EPHA4: variants seen among roughly 807,000 people sequenced by gnomAD.
EPHA4 encodes the protein EPH receptor A4.
Under a neutral mutation model 108.3 loss-of-function variants are expected in EPHA4, and 19 were observed. The ratio of observed to expected loss-of-function variants is 0.18; its 90% confidence interval spans 0.12 to 0.26. EPHA4 has a LOEUF of 0.26. Ranked by LOEUF, EPHA4 falls within the 10% of genes least tolerant of loss-of-function variation. The pLI, the probability that EPHA4 is intolerant of heterozygous loss-of-function variation, is 1.00. For missense variants in EPHA4, 917 were observed against 1,254.0 expected (o/e 0.73, Z 4.06); for synonymous variants, 449 against 455.5 (o/e 0.99, Z 0.18).
At chr2:221,547,950 C>G (rs562792957) in intron 3 of EPHA4, among the ~76,000 whole-genome samples, 1 of 152,128 alleles carries the variant, frequency 6.6e-6, no homozygotes, top group Non-Finnish European at 1.5e-5. Flanking sequence ...TTTTGTGAAA[C>G]GTTAATAATT....
intron 5 of EPHA4, among the ~76,000 whole-genome samples, chr2:221,470,939 T>A (rs1441383564): frequency 6.6e-6 from 1 of 152,154 alleles, no homozygotes; most frequent in Non-Finnish European, 1.5e-5. Context: ...AGAAGAGGTT[T>A]TAAGCTTGGA....
At chr2:221,504,082 T>C (rs1396332435) in intron 3 of EPHA4, among the ~76,000 whole-genome samples, 2 of 152,194 alleles carry the variant, frequency 1.3e-5, no homozygotes, top group Non-Finnish European at 2.9e-5. Context: ...ACTGTTAGTA[T>C]TTTTTATCCT....
At chr2:221,434,065 C>T (rs1690158994) in intron 14 of EPHA4, 77 bp downstream of exon 14, 2 of 1,463,518 alleles carry the variant, frequency 1.4e-6, no homozygotes, top group East Asian at 4.6e-5. Context: ...AAACCCCGTG[C>T]CCACTCCATC....
rs1342924602 is a variant in EPHA4, at chr2:221,418,728, A to G, written c.*2644T>C. 1 of 152,376 alleles carries G rather than the reference A, an allele frequency of 6.6e-6. No homozygotes were observed. The highest frequency in any genetic ancestry group is 1.5e-5 in the Non-Finnish European group (1 of 68,050). 9.4% of individuals were successfully genotyped at this position (152,376 alleles called of 1,614,324 possible). ...GCGGGGTAGTTTCCCACTGCTCTAGAGATCGGCACATGAGTTAGCATTGGA... is the reference window on the plus strand; with the variant it reads ...GCGGGGTAGTTTCCCACTGCTCTAGGGATCGGCACATGAGTTAGCATTGGA... On this transcript the variant is annotated 3_prime_UTR_variant, in exon 18 of 18. Transcript: ENST00000281821.
chr2:221,473,198 T>A (rs1691543850), intron 5 of EPHA4, among the ~76,000 whole-genome samples: 1 of 152,110 alleles, frequency 6.6e-6, no homozygotes, highest in South Asian at 2.1e-4. Context: ...TGAGAAAGCA[T>A]GAGTACAGGT....
In EPHA4 at chr2:221,482,464, G is replaced by A; in HGVS notation, c.1206C>T (p.Asp402=). ...GLKTTKVSIT[D]LLAHTNYTFE... ...AGGTGTAATTGGTATGAGCTAGGAG[G>A]TCAGTGATGGAGACTTTGGTGGTCT... The change falls in exon 5 of 18, where the codon GAC becomes GAT. Residue 402 remains aspartate, a synonymous_variant. Transcript: ENST00000281821. The A allele has an allele frequency of 1.9e-6, 3 of 1,614,114 alleles. No homozygotes were observed. Among genetic ancestry groups the A allele is most frequent in the Middle Eastern group, 3.3e-4 (2 of 6,058 alleles).
chr2:221,564,413 G>T lies in EPHA4; in HGVS notation c.160-19C>A, dbSNP rs761281726. ...CCTCCCACTGCAAAGATCCAAAGCA[G>T]ATGTATCAACTACAAAGTTTCATCA... On this transcript the variant is annotated intron_variant, in intron 2 of 17. Coordinates refer to ENST00000281821, the MANE Select transcript of EPHA4 (RefSeq NM_004438.5). 2 of 1,589,882 alleles carry T rather than the reference G, an allele frequency of 1.3e-6. No homozygotes were observed. The highest frequency in any genetic ancestry group is 1.7e-6 in the Non-Finnish European group (2 of 1,163,328).
intron 1 of EPHA4, chr2:221,569,309 C>T (rs1446670626): frequency 6.6e-6 from 1 of 152,118 alleles, no homozygotes; most frequent in Non-Finnish European, 1.5e-5. Context: ...GTAAATAGTC[C>T]CTGAATATGG....
chr2:221,461,836 G>A (rs1691153437), intron 5 of EPHA4, among the ~76,000 whole-genome samples: 1 of 152,104 alleles, frequency 6.6e-6, no homozygotes, highest in Non-Finnish European at 1.5e-5. Context: ...GATTCCTACT[G>A]CCCCTCTTCT....
intron 17 of EPHA4, among the ~76,000 whole-genome samples, chr2:221,421,636 T>C (rs535065905): frequency 6.6e-6 from 1 of 152,326 alleles, no homozygotes; most frequent in East Asian, 1.9e-4. Context: ...GTCCATATAT[T>C]TGTCACATAA....
Position 221,418,165 on chromosome 2 carries a change from T to C in EPHA4, c.*3207A>G, listed in dbSNP as rs1689634720. The stretch of plus-strand genomic sequence containing the variant: ...ATAAGTTATGTGTACCTAAAGTTCA[T>C]GAAGGGAAGAAAAATACCTTGACAA... On this transcript the variant is annotated 3_prime_UTR_variant, in exon 18 of 18. Transcript: ENST00000281821. 6.6e-6 allele frequency: 1 copy of C among 152,598 alleles called. No homozygotes were observed. 9.5% of individuals were successfully genotyped at this position (152,598 alleles called of 1,614,324 possible). A position where few individuals can be genotyped will look rare whatever the true frequency, so the allele number is the denominator to read the frequency against.
Position 221,443,485 on chromosome 2 carries a change from A to C in EPHA4, c.1888+8T>G, listed in dbSNP as rs745788651. 6.2e-7 allele frequency: 1 copy of C among 1,603,792 alleles called. No homozygotes were observed. Among genetic ancestry groups the C allele is most frequent in the Non-Finnish European group, 8.5e-7 (1 of 1,170,840 alleles). On this transcript the variant is annotated splice_region_variant and intron_variant, in intron 10 of 17. Coordinates refer to ENST00000281821, the MANE Select transcript of EPHA4 (RefSeq NM_004438.5). ...GACTCATTAGCAGACGGACACTCAG[A>C]CACTTACCAACTCCTATAACTTTTT... is the stretch of plus-strand genomic sequence containing the variant.
intron 5 of EPHA4, among the ~76,000 whole-genome samples, chr2:221,462,180 C>T (rs932381416): frequency 1.3e-5 from 2 of 151,726 alleles, no homozygotes; most frequent in Non-Finnish European, 2.9e-5. Context: ...GCTGGTCATG[C>T]TAGTTGACAG....
chr2:221,523,240 G>A (rs1314052914), intron 3 of EPHA4, among the ~76,000 whole-genome samples: 1 of 152,124 alleles, frequency 6.6e-6, no homozygotes. Context: ...CCCCAACAAC[G>A]CTAAGAAGTA....
intron 15 of EPHA4, 103 bp from the exon 16 acceptor site, chr2:221,426,722 A>C (rs967949808): frequency 1.5e-5 from 16 of 1,067,932 alleles, no homozygotes; most frequent in Non-Finnish European, 2.0e-5. Flanking sequence ...CTGAAAAGCT[A>C]AGGGAAGGTT....
chr2:221,475,033 T>C (rs1334715002), intron 5 of EPHA4, among the ~76,000 whole-genome samples: 1 of 151,986 alleles, frequency 6.6e-6, no homozygotes, highest in African/African-American at 2.4e-5. Context: ...ACAACACCCG[T>C]CTAATTTTGG....
rs772477067 is a variant in EPHA4 at position 221,482,481 on chromosome 2, T to C, written c.1189A>G (p.Lys397Glu). The C allele has an allele frequency of 6.2e-7, 1 of 1,614,150 alleles. No individual in the cohort carries two copies. Among genetic ancestry groups the C allele is most frequent in the African/African-American group, 1.3e-5 (1 of 75,064 alleles). The part of the protein sequence containing the change: ...TPQQNGLKTT[K>E]VSITDLLAHT... ...GCTAGGAGGTCAGTGATGGAGACTT[T>C]GGTGGTCTTCAAGCCATTCTGCTGT... Residue 397 changes from lysine to glutamate, a missense_variant, in exon 5 of 18, where the codon AAA (lysine) becomes GAA (glutamate). Lys to Glu is a moderately conservative substitution (Grantham distance 56). Around this residue, in one of 3 missense-constraint regions of EPHA4, gnomAD observed 758 missense variants for 1,076.7 expected, o/e 0.70. Coordinates refer to ENST00000281821, the MANE Select transcript of EPHA4 (RefSeq NM_004438.5).
rs1314601970 is a variant in EPHA4 at position 221,436,880 on chromosome 2, C to T, written c.2136+181G>A. Among the ~76,000 whole-genome samples the T allele has an allele frequency of 2.0e-5, 3 of 152,136 alleles. No individual in the cohort carries two copies. In the East Asian group the frequency reaches 5.8e-4, roughly 29 times the overall value. ...CATTACAGGAATAAATCAAAAACTA[C>T]CCTCGTTGAACATGGATTATTTAAT... On this transcript the variant is annotated intron_variant, in intron 12 of 17. Coordinates refer to ENST00000281821, the MANE Select transcript of EPHA4 (RefSeq NM_004438.5).
At chr2:221,433,675 T>C (rs1275083212) in intron 14 of EPHA4, among the ~76,000 whole-genome samples, 1 of 152,240 alleles carries the variant, frequency 6.6e-6, no homozygotes, top group African/African-American at 2.4e-5. Flanking sequence ...CAAGGGTCAT[T>C]GAGTGAAGCT....
Sources: allele counts gnomAD v4.1 joint callset (sites outside exome capture counted in the v4.1 genomes callset), GRCh38; gene constraint gnomAD v4.1.1; regional missense constraint gnomAD v4.1.1; transcripts MANE v1.5; gene names NCBI Gene and HGNC (gene_info 2026-07-23, HGNC 2026-07-21).